The following ANTXR2 variants were observed in gnomAD, a reference collection of about 807,000 sequenced individuals.
ANTXR2 encodes the protein anthrax toxin receptor 2.
ANTXR2 carries 44 observed loss-of-function variants against 73.7 expected under a neutral mutation model. The observed-to-expected ratio is 0.60, with a 90% CI of 0.47 to 0.77. ANTXR2 has a LOEUF of 0.77. ANTXR2 is among the 30% of genes least tolerant of loss of function. ANTXR2 has a pLI of 0.00. For missense variants in ANTXR2, 604 were observed against 592.5 expected (o/e 1.02, Z -0.20); for synonymous variants, 217 against 205.9 (o/e 1.05, Z -0.46).
At chr4:80,001,566 C>T (rs13151544) in intron 12 of ANTXR2, among the ~76,000 whole-genome samples, 11,242 of 150,974 alleles carry the variant, frequency 0.074, 484 homozygotes, top group Middle Eastern at 0.1. Context: ...CTATTAGGTC[C>T]GCTTGGTGCA....
In ANTXR2 at chr4:79,989,461, T is replaced by C. The variant is rs528878703; in HGVS notation, c.1042-4598A>G. 1.1e-3 allele frequency among the ~76,000 whole-genome samples: 172 copies of C among 151,908 alleles called. 1 individual carries two copies. Among genetic ancestry groups the C allele is most frequent in the African/African-American group, 3.8e-3 (159 of 41,472 alleles). On this transcript the variant is annotated intron_variant, in intron 12 of 16. Transcript: ENST00000403729. ...CAAAGAAATATTTATCCTGAACAGA[T>C]AAATAACAAGTTCTGAAACTTGATC...
At chr4:79,948,387 TA>T in intron 16 of ANTXR2, among the ~76,000 whole-genome samples, 1 of 152,128 alleles carries the variant, frequency 6.6e-6, no homozygotes. Context: ...TGAAGTCACA[TA>T]AAAAATACAA....
intron 16 of ANTXR2, among the ~76,000 whole-genome samples, chr4:79,909,690 CTA>C (rs1190797142): frequency 1.3e-5 from 2 of 151,768 alleles, no homozygotes; most frequent in African/African-American, 4.8e-5. Context: ...CAATATACAC[CTA>C]TATGTTTTAA....
chr4:79,996,725 A>T (rs894849555), intron 12 of ANTXR2, among the ~76,000 whole-genome samples: 2 of 152,016 alleles, frequency 1.3e-5, no homozygotes, highest in Non-Finnish European at 2.9e-5. Context: ...AAAATACATT[A>T]AAAACTACAG....
Position 79,937,797 on chromosome 4 carries a change from C to T in ANTXR2, c.1429-30330G>A, listed in dbSNP as rs563738199. On this transcript the variant is annotated intron_variant, in intron 16 of 16. Coordinates refer to ENST00000403729, the MANE Select transcript of ANTXR2 (RefSeq NM_058172.6). Reference sequence around the variant, plus strand: ...GCGACGCAGAAGACGGTGATTTCTGCATTTCCATCTGAGGTACCGGGTTCA... The same window carrying T: ...GCGACGCAGAAGACGGTGATTTCTGTATTTCCATCTGAGGTACCGGGTTCA... Among the ~76,000 whole-genome samples the T allele has an allele frequency of 2.6e-5, 4 of 151,092 alleles. No individual in the cohort carries two copies. In the South Asian group the frequency reaches 6.4e-4, roughly 24 times the overall value.
At chr4:79,929,449 T>A (rs1053505548) in intron 16 of ANTXR2, among the ~76,000 whole-genome samples, 5 of 152,046 alleles carry the variant, frequency 3.3e-5, no homozygotes, top group African/African-American at 1.2e-4. Flanking sequence ...GAGGTGGAAG[T>A]TGCAGTGAGC....
chr4:79,946,840 T>C (rs960832140), intron 16 of ANTXR2, among the ~76,000 whole-genome samples: 2 of 152,178 alleles, frequency 1.3e-5, no homozygotes, highest in African/African-American at 4.8e-5. Context: ...CCTAAAGTTA[T>C]AGAAAAATAT....
intron 11 of ANTXR2, among the ~76,000 whole-genome samples, chr4:80,009,221 T>C (rs899274697): frequency 2.6e-5 from 4 of 152,150 alleles, no homozygotes; most frequent in Non-Finnish European, 5.9e-5. Flanking sequence ...TTTCCCTTCC[T>C]AACTACTGAG....
intron 16 of ANTXR2, among the ~76,000 whole-genome samples, chr4:79,952,041 C>T (rs1237684711): frequency 6.6e-6 from 1 of 151,762 alleles, no homozygotes; most frequent in African/African-American, 2.4e-5. Context: ...AGTGGGTACT[C>T]AGGAAAAAAT....
At chr4:79,925,478 G>C (rs1044123256) in intron 16 of ANTXR2, among the ~76,000 whole-genome samples, 2 of 151,930 alleles carry the variant, frequency 1.3e-5, no homozygotes, top group Non-Finnish European at 2.9e-5. Flanking sequence ...CCATGTAAAT[G>C]TATTACTTTA....
chr4:80,047,048 G>A (rs576242538), intron 7 of ANTXR2, among the ~76,000 whole-genome samples: 5 of 151,744 alleles, frequency 3.3e-5, no homozygotes, highest in African/African-American at 9.6e-5. Flanking sequence ...TAGTCCAACA[G>A]GTTAATGTTA....
In ANTXR2 at chr4:79,910,533, A is replaced by AAAAAAAAG. The variant is rs199796480; in HGVS notation, c.1429-3067_1429-3066insCTTTTTTT. 7.3e-4 allele frequency among the ~76,000 whole-genome samples: 32 copies of AAAAAAAAG among 44,122 alleles called. No individual in the cohort carries two copies. The East Asian group carries it at 0.079, about 109-fold the overall frequency. 28.9% of individuals were successfully genotyped at this position (44,122 alleles called of 152,430 possible). A position where few individuals can be genotyped will look rare whatever the true frequency, so the allele number is the denominator to read the frequency against. On this transcript the variant is annotated intron_variant, in intron 16 of 16. Transcript: ENST00000403729. Reference sequence around the variant, plus strand: ...AAAAAAAAAAAAAAAGAAAAAAAAGAAAAAAAAAAAGAAAACAAAAACAAA... The same window carrying AAAAAAAAG: ...AAAAAAAAAAAAAAAGAAAAAAAAGAAAAAAAAGAAAAAAAAAAGAAAACAAAAACAAA...
chr4:79,949,383 G>T (rs1416366352), intron 16 of ANTXR2, among the ~76,000 whole-genome samples: 1 of 152,174 alleles, frequency 6.6e-6, no homozygotes, highest in Non-Finnish European at 1.5e-5. Context: ...ATGATGACAA[G>T]GACTGGATTC....
chr4:80,057,988 A>C (rs1292414905), intron 3 of ANTXR2, among the ~76,000 whole-genome samples: 1 of 152,074 alleles, frequency 6.6e-6, no homozygotes, highest in Non-Finnish European at 1.5e-5. Context: ...ATAGCTACAG[A>C]AACAACTTGA....
chr4:80,071,567 AAAGT>A lies in ANTXR2; in HGVS notation c.224+12_224+15del, dbSNP rs780793263. ...CTACTTCTCCACTGCCTAGAAAAGT[AAAGT>A]AAGAAAGATACCTCACAAATCTCTC... On this transcript the variant is annotated intron_variant, in intron 2 of 16. Transcript: ENST00000403729. 6.3e-7 allele frequency: 1 copy of A among 1,599,836 alleles called. No individual in the cohort carries two copies. The highest frequency in any genetic ancestry group is 8.6e-7 in the Non-Finnish European group (1 of 1,167,148).
intron 12 of ANTXR2, among the ~76,000 whole-genome samples, chr4:79,989,995 C>T (rs990379514): frequency 1.3e-5 from 2 of 151,970 alleles, no homozygotes; most frequent in African/African-American, 2.4e-5. Context: ...ATAGTAAGAA[C>T]CATCTATGAT....
Position 79,907,316 on chromosome 4 carries a change from T to A in ANTXR2, c.*113A>T, listed in dbSNP as rs983904896. ...AAAACATTTCCCGACTGAGAGGAAT[T>A]AAGCTGCTCTTCCAAAAGCTTCTGA... On this transcript the variant is annotated 3_prime_UTR_variant, in exon 17 of 17. Coordinates refer to ENST00000403729, the MANE Select transcript of ANTXR2 (RefSeq NM_058172.6). The A allele has an allele frequency of 8.7e-6, 10 of 1,148,832 alleles. No homozygotes were observed. The African/African-American group carries it at 1.6e-4, about 18-fold the overall frequency. 71.2% of individuals were successfully genotyped at this position (1,148,832 alleles called of 1,614,324 possible). A position where few individuals can be genotyped will look rare whatever the true frequency, so the allele number is the denominator to read the frequency against.
chr4:79,979,475 T>C (rs183738380), intron 14 of ANTXR2, among the ~76,000 whole-genome samples: 82 of 152,296 alleles, frequency 5.4e-4, no homozygotes, highest in Admixed American at 3.5e-3. Context: ...TAGAGAAGAT[T>C]ACTATTCATG....
At chr4:80,031,575 A>T (rs1489694998) in intron 10 of ANTXR2, 48 bp downstream of exon 10, 1 of 1,310,974 alleles carries the variant, frequency 7.6e-7, no homozygotes. Context: ...ATTTTCTAAT[A>T]ATTTTTTACT....
Sources: gnomAD v4.1 joint callset for allele counts (sites outside exome capture counted in the v4.1 genomes callset) on GRCh38, gnomAD v4.1.1 for gene constraint, MANE v1.5 for transcripts, NCBI Gene and HGNC (gene_info 2026-07-23, HGNC 2026-07-21) for gene names.